The following CACNG6 variants were observed in gnomAD, a reference collection of about 807,000 sequenced individuals.
The protein encoded by CACNG6 is voltage-dependent calcium channel gamma-6 subunit.
A neutral mutation model predicts 23.9 loss-of-function variants in CACNG6; 21 were observed. The ratio of observed to expected loss-of-function variants is 0.88; its 90% CI spans 0.62 to 1.26. The LOEUF (loss-of-function observed/expected upper bound fraction) is 1.26, where lower values mean the gene tolerates loss of function less well. Among genes scored for constraint, CACNG6 ranks in the 50% most tolerant of loss-of-function variants. The probability of loss-of-function intolerance (pLI) is 0.00; values close to 1 mark genes in which losing one functional copy is unlikely to be tolerated. For synonymous variants in CACNG6, 182 were observed against 168.9 expected (o/e 1.08, Z -0.60); for missense variants, 340 against 352.9 (o/e 0.96, Z 0.29).
intron 1 of CACNG6, among the ~76,000 whole-genome samples, chr19:53,996,581 T>C (rs158195): frequency 0.21 from 31,855 of 151,734 alleles, 4,190 homozygotes; most frequent in African/African-American, 0.37. Flanking sequence ...TTAGTAGAGA[T>C]GGGGTTTCAC....
chr19:54,002,804 A>G (rs1345667893), intron 3 of CACNG6, among the ~76,000 whole-genome samples: 1 of 152,158 alleles, frequency 6.6e-6, no homozygotes, highest in African/African-American at 2.4e-5. Context: ...CTGTGGTTAG[A>G]TTGCGTGTCA....
Position 53,992,986 on chromosome 19 carries a change from G to A in CACNG6, c.109G>A (p.Gly37Arg), listed in dbSNP as rs1292870872. ...GRSGLTPERE[G>R]KVKLALLLAA... Reference sequence around the variant, plus strand: ...GTCGGGGCTGACGCCCGAGCGCGAGGGGAAGGTGAAGCTGGCGCTGCTGCT... The same window carrying A: ...GTCGGGGCTGACGCCCGAGCGCGAGAGGAAGGTGAAGCTGGCGCTGCTGCT... Residue 37 changes from glycine (G) to arginine (R), a missense_variant, in exon 1 of 4, where the codon GGG becomes AGG. Gly to Arg is a moderately radical substitution (Grantham distance 125). Coordinates refer to ENST00000252729, the MANE Select transcript of CACNG6 (RefSeq NM_145814.2). This position sits in a 1 kb window ranked among gnomAD's most constrained non-coding sequence, Gnocchi z 4.1. 2 of 1,441,054 alleles carry A rather than the reference G, an allele frequency of 1.4e-6. No individual in the cohort carries two copies. Among genetic ancestry groups the A allele is most frequent in the African/African-American group, 1.5e-5 (1 of 66,876 alleles). 89.3% of individuals were successfully genotyped at this position (1,441,054 alleles called of 1,614,324 possible). A position where few individuals can be genotyped will look rare whatever the true frequency, so the allele number is the denominator to read the frequency against.
chr19:54,011,221 T>TAC (rs373872212), intron 3 of CACNG6, among the ~76,000 whole-genome samples: 27 of 101,098 alleles, frequency 2.7e-4, no homozygotes, highest in African/African-American at 8.6e-4. Flanking sequence ...TATATATATA[T>TAC]ATATATACAC....
chr19:54,007,111 C>T (rs778241779), intron 3 of CACNG6, among the ~76,000 whole-genome samples: 3 of 152,054 alleles, frequency 2.0e-5, no homozygotes, highest in African/African-American at 4.8e-5. Flanking sequence ...TGCAGTGGTT[C>T]GATCTCAGCT....
chr19:53,998,510 T>G (rs904611236), intron 2 of CACNG6, among the ~76,000 whole-genome samples, 197 bp downstream of exon 2: 1 of 109,576 alleles, frequency 9.1e-6, no homozygotes. Context: ...TCTAGAGAAC[T>G]CTTTTTTTTT....
In CACNG6 at chr19:53,992,571, A is replaced by T; in HGVS notation, c.-307A>T. The T allele has an allele frequency of 4.3e-6, 1 of 232,754 alleles. No homozygotes were observed. Among genetic ancestry groups the T allele is most frequent in the Non-Finnish European group, 8.3e-6 (1 of 121,058 alleles). The allele number at this position is 232,754 out of a possible 1,614,324, so 14.4% of individuals were successfully genotyped here. ...AAGCCGAATTCTATCTCTAAACCTCAGGGTGGGGGCCTTGTTTTTCCTCTG... is the reference window on the plus strand; with the variant it reads ...AAGCCGAATTCTATCTCTAAACCTCTGGGTGGGGGCCTTGTTTTTCCTCTG... On this transcript the variant is annotated 5_prime_UTR_variant, in exon 1 of 4. Coordinates refer to ENST00000252729, the MANE Select transcript of CACNG6 (RefSeq NM_145814.2). This position sits in a 1 kb window ranked among gnomAD's most constrained non-coding sequence, Gnocchi z 4.1.
At chr19:54,001,218 C>T (rs10418539) in intron 3 of CACNG6, among the ~76,000 whole-genome samples, 11 of 140,354 alleles carry the variant, frequency 7.8e-5, no homozygotes, top group African/African-American at 2.5e-4. Flanking sequence ...GACAGAGTTT[C>T]GCTCTTGTTG....
At chr19:54,011,647 G>A (rs2069716040) in intron 3 of CACNG6, among the ~76,000 whole-genome samples, 1 of 151,688 alleles carries the variant, frequency 6.6e-6, no homozygotes, top group Non-Finnish European at 1.5e-5. Flanking sequence ...AGAACGATTT[G>A]CGTCTTCCCC....
chr19:54,006,517 C>CTTTTTTTTTTTTTTTTT lies in CACNG6; in HGVS notation c.545-5430_545-5429insTTTTTTTTTTTTTTTTT, dbSNP rs1236056716. ...GGTCTGTGTCCCCAGTTCCTTCTTT[C>CTTTTTTTTTTTTTTTTT]TTTTCTTTTTTTTTTTTTTTTTTTT... is the stretch of plus-strand genomic sequence containing the variant. On this transcript the variant is annotated intron_variant, in intron 3 of 3. Coordinates refer to ENST00000252729, the MANE Select transcript of CACNG6 (RefSeq NM_145814.2). Among the ~76,000 whole-genome samples the CTTTTTTTTTTTTTTTTT allele has an allele frequency of 2.2e-4, 24 of 107,324 alleles. 1 individual carries two copies. Among genetic ancestry groups the CTTTTTTTTTTTTTTTTT allele is most frequent in the African/African-American group, 5.3e-4 (14 of 26,618 alleles). 70.4% of individuals were successfully genotyped at this position (107,324 alleles called of 152,430 possible).
rs1271710721 is a variant in CACNG6 at position 54,004,334 on chromosome 19, TTTGTG to T, written c.544+4565_544+4569del. Among the ~76,000 whole-genome samples the T allele has an allele frequency of 1.7e-3, 214 of 126,542 alleles. 5 individuals are homozygous for T. The highest frequency in any genetic ancestry group is 6.5e-3 in the African/African-American group (192 of 29,334). 83.0% of individuals were successfully genotyped at this position (126,542 alleles called of 152,430 possible). A position where few individuals can be genotyped will look rare whatever the true frequency, so the allele number is the denominator to read the frequency against. On this transcript the variant is annotated intron_variant, in intron 3 of 3. Coordinates refer to ENST00000252729, the MANE Select transcript of CACNG6 (RefSeq NM_145814.2). ...CACCACGCCTGGTTAATTTTGTATT[TTTGTG>T]TGTGTGTGTGTGTGTGTGTGTGTGT...
At chr19:54,011,430 C>CAAAAAAAAAAAAAA (rs59105087) in intron 3 of CACNG6, among the ~76,000 whole-genome samples, 1 of 100,588 alleles carries the variant, frequency 9.9e-6, no homozygotes, top group Non-Finnish European at 2.0e-5. Context: ...GACTCCGTCT[C>CAAAAAAAAAAAAAA]AAAAAAAAAA....
At chr19:53,995,361 A>G (rs1284585251) in intron 1 of CACNG6, among the ~76,000 whole-genome samples, 1 of 152,084 alleles carries the variant, frequency 6.6e-6, no homozygotes, top group Non-Finnish European at 1.5e-5. Flanking sequence ...CTCAATCTTC[A>G]TTATCTCAGA....
intron 1 of CACNG6, among the ~76,000 whole-genome samples, chr19:53,997,511 A>C (rs953618577): frequency 1.3e-5 from 2 of 152,102 alleles, no homozygotes; most frequent in African/African-American, 4.8e-5. Flanking sequence ...AGTACCTCAG[A>C]GTGCCTTCCC....
At chr19:54,011,635 T>G (rs1402964304) in intron 3 of CACNG6, among the ~76,000 whole-genome samples, 2 of 151,982 alleles carry the variant, frequency 1.3e-5, no homozygotes, top group East Asian at 1.9e-4. Flanking sequence ...CCATCCACCT[T>G]CAGAACGATT....
In CACNG6 at chr19:53,998,332, CT is replaced by C. The variant is rs2069541916; in HGVS notation, c.406+20del. 1.9e-6 allele frequency: 3 copies of C among 1,604,844 alleles called. No homozygotes were observed. The highest frequency in any genetic ancestry group is 1.1e-5 in the South Asian group (1 of 90,874). On this transcript the variant is annotated intron_variant, in intron 2 of 3. Coordinates refer to ENST00000252729, the MANE Select transcript of CACNG6 (RefSeq NM_145814.2). ...AAGAAAGGTGAGAACTTTTCACCCCCTGCTGGGTGACAGGTGGGGGAAATGC... is the reference window on the plus strand; with the variant it reads ...AAGAAAGGTGAGAACTTTTCACCCCCGCTGGGTGACAGGTGGGGGAAATGC...
rs1199055881 is a variant in CACNG6, at chr19:54,005,253, T to TAAATAAA, written c.544+5484_544+5485insATAAAAA. 1.0e-4 allele frequency among the ~76,000 whole-genome samples: 6 copies of TAAATAAA among 58,248 alleles called. No homozygotes were observed. In the South Asian group the frequency reaches 2.0e-3, roughly 19 times the overall value. The allele number at this position is 58,248 out of a possible 152,430, so 38.2% of individuals were successfully genotyped here. On this transcript the variant is annotated intron_variant, in intron 3 of 3. Transcript: ENST00000252729. ...AATAAATAAATAAATAAATAAATAA[T>TAAATAAA]AATAAAAGAAAGAGCACGTGAGAGA...
rs1242851903 is a variant in CACNG6 at position 53,991,744 on chromosome 19, G to A, written c.-1134G>A. Among the ~76,000 whole-genome samples the A allele has an allele frequency of 3.3e-5, 5 of 152,180 alleles. No individual in the cohort carries two copies. In the East Asian group the frequency reaches 9.7e-4, roughly 30 times the overall value. The stretch of plus-strand genomic sequence containing the variant: ...CGAGAGGGGCCCCTGCTCGGGAGTC[G>A]GGGGTGGGAGCCCCGAGGGGGGGCC... On this transcript the variant is annotated 5_prime_UTR_variant, in exon 1 of 4. Transcript: ENST00000252729.
chr19:53,993,103 TG>T lies in CACNG6; in HGVS notation c.227del (p.Cys76SerfsTer62). The T allele has an allele frequency of 1.9e-6, 3 of 1,546,904 alleles. 1 individual carries two copies. Among genetic ancestry groups the T allele is most frequent in the Middle Eastern group, 3.4e-4 (2 of 5,950 alleles). On this transcript the variant is annotated frameshift_variant, in exon 1 of 4. Transcript: ENST00000252729. LOFTEE classifies it high-confidence loss of function. The part of the protein sequence containing the change: ...NTYKANGSAV[C>X]EAAHLGLWKA... The stretch of plus-strand genomic sequence containing the variant: ...CTACAAGGCCAACGGCAGCGCCGTG[TG>T]CGAAGCGGCCCACCTGGGGCTGTGG...
chr19:53,999,508 A>G (rs1415559761), intron 2 of CACNG6, 126 bp from the exon 3 acceptor site: 2 of 1,050,354 alleles, frequency 1.9e-6, no homozygotes, highest in Non-Finnish European at 2.8e-6. Flanking sequence ...GCTGGATGAT[A>G]CTCTACTTGA....
Sources: allele counts gnomAD v4.1 joint callset (sites outside exome capture counted in the v4.1 genomes callset), GRCh38; gene constraint gnomAD v4.1.1; non-coding constraint Gnocchi (gnomAD v3.1); transcripts MANE v1.5; gene names NCBI Gene and HGNC (gene_info 2026-07-23, HGNC 2026-07-21).